Variants in SVIL observed in about 807,000 individuals in gnomAD.
The protein encoded by SVIL is archvillin.
SVIL carries 101 observed loss-of-function variants against 240.4 expected under a neutral mutation model. The ratio of observed to expected loss-of-function variants is 0.42; its 90% confidence interval spans 0.36 to 0.50. The LOEUF (loss-of-function observed/expected upper bound fraction) is 0.50. Among genes scored for constraint, SVIL ranks in the 20% least tolerant of loss-of-function variants. The pLI is 0.01. For missense variants in SVIL, 2,512 were observed against 2,818.7 expected (o/e 0.89, Z 2.46); for synonymous variants, 999 against 1,100.0 (o/e 0.91, Z 1.82).
At chr10:29,604,202 CTTTT>C (rs34705681) in intron 1 of SVIL, among the ~76,000 whole-genome samples, 5 of 134,946 alleles carry the variant, frequency 3.7e-5, no homozygotes, top group Admixed American at 7.4e-5. Flanking sequence ...TATTGTTCCT[CTTTT>C]TTTTTTTTTT....
chr10:29,647,905 C>T (rs973667668), intron 3 of SVIL, among the ~76,000 whole-genome samples: 2 of 145,266 alleles, frequency 1.4e-5, no homozygotes, highest in Non-Finnish European at 3.0e-5. Flanking sequence ...AAACCCCCTA[C>T]ATTTTTTACT....
At chr10:29,541,804 T>C (rs569737231) in intron 6 of SVIL, among the ~76,000 whole-genome samples, 1 of 152,182 alleles carries the variant, frequency 6.6e-6, no homozygotes, top group East Asian at 1.9e-4. Flanking sequence ...TTCGCGGGGC[T>C]GTGGACTCAG....
chr10:29,600,044 C>CT (rs949233767), intron 1 of SVIL, among the ~76,000 whole-genome samples: 6 of 150,694 alleles, frequency 4.0e-5, no homozygotes, highest in South Asian at 2.1e-4. Context: ...TTTTTTGATT[C>CT]TTTTTTTTTC....
chr10:29,576,347 T>C (rs1379478416), intron 1 of SVIL, among the ~76,000 whole-genome samples: 1 of 152,114 alleles, frequency 6.6e-6, no homozygotes, highest in African/African-American at 2.4e-5. Flanking sequence ...ACAAGGCTTG[T>C]GATTATTGGT....
intron 2 of SVIL, among the ~76,000 whole-genome samples, chr10:29,567,373 A>C (rs1955058448): frequency 6.6e-6 from 1 of 152,212 alleles, no homozygotes; most frequent in Non-Finnish European, 1.5e-5. Flanking sequence ...CCATTACTGA[A>C]GTTTAAATTA....
intron 2 of SVIL, among the ~76,000 whole-genome samples, chr10:29,665,662 C>T (rs1430131816): frequency 2.6e-5 from 4 of 151,788 alleles, no homozygotes; most frequent in Non-Finnish European, 5.9e-5. Context: ...GGCATGGTGG[C>T]GGACGCCTGT....
rs1952810275 is a variant in SVIL at position 29,547,616 on chromosome 10, A to T, written c.827+2981T>A. Among the ~76,000 whole-genome samples, 6 of 152,238 alleles carry T rather than the reference A, an allele frequency of 3.9e-5. No individual in the cohort carries two copies. In the South Asian group the frequency reaches 1.2e-3, roughly 32 times the overall value. On this transcript the variant is annotated intron_variant, in intron 6 of 37. Coordinates refer to ENST00000355867, the MANE Select transcript of SVIL (RefSeq NM_021738.3). ...CTAGGTCTTAAGACAAGTTATATAC[A>T]TTTTTTTAATATTAAGATTTTAACT...
At chr10:29,602,388 C>G (rs1271036598) in intron 1 of SVIL, 1 of 483,760 alleles carries the variant, frequency 2.1e-6, no homozygotes. Context: ...CTCACCCTCC[C>G]TTCTCTGCTG....
chr10:29,549,635 A>G (rs1474627175), intron 6 of SVIL, among the ~76,000 whole-genome samples: 1 of 145,708 alleles, frequency 6.9e-6, no homozygotes, highest in Non-Finnish European at 1.5e-5. Context: ...ATGTCCAACA[A>G]TGATAGACTG....
At chr10:29,625,462 TA>T (rs201839331) in intron 1 of SVIL, among the ~76,000 whole-genome samples, 3 of 150,940 alleles carry the variant, frequency 2.0e-5, no homozygotes, top group East Asian at 1.9e-4. Context: ...CATATATATA[TA>T]TTTTTTTTCC....
At chr10:29,526,305 C>CTTTTTTTTTTTTTTTTTTTT (rs36004446) in intron 13 of SVIL, among the ~76,000 whole-genome samples, 1 of 115,028 alleles carries the variant, frequency 8.7e-6, no homozygotes, top group Non-Finnish European at 1.7e-5. Flanking sequence ...TTTTCTCTTT[C>CTTTTTTTTTTTTTTTTTTTT]TTTTTTTTTT....
chr10:29,706,172 T>C (rs4747676), intron 1 of SVIL, among the ~76,000 whole-genome samples: 97,829 of 151,994 alleles, frequency 0.64, 31,628 homozygotes, highest in East Asian at 0.77. Context: ...GGGGTATATA[T>C]TCAGTAATGG....
chr10:29,475,172 T>C (rs1946057538), intron 29 of SVIL, among the ~76,000 whole-genome samples: 2 of 152,176 alleles, frequency 1.3e-5, no homozygotes, highest in Non-Finnish European at 2.9e-5. Context: ...ACTACAGGCA[T>C]GCGTCACCAT....
chr10:29,555,617 C>G (rs11007649), intron 3 of SVIL, among the ~76,000 whole-genome samples: 45,440 of 152,052 alleles, frequency 0.3, 7,087 homozygotes, highest in African/African-American at 0.38. Flanking sequence ...CAGGGTAAGG[C>G]AGAAGGTTTT....
At chr10:29,469,919 A>G (rs372201518) in intron 32 of SVIL, among the ~76,000 whole-genome samples, 1 of 152,254 alleles carries the variant, frequency 6.6e-6, no homozygotes, top group South Asian at 2.1e-4. Flanking sequence ...AAACTCCACA[A>G]ATTTGAAATG....
In SVIL at chr10:29,532,761, C is replaced by T; in HGVS notation, c.1606G>A (p.Glu536Lys). 1 of 1,614,142 alleles carries T rather than the reference C, an allele frequency of 6.2e-7. No homozygotes were observed. Residue 536 changes from glutamate to lysine, a missense_variant, in exon 8 of 38, where the codon GAA (glutamate) becomes AAA (lysine). Physicochemically the swap from Glu to Lys is moderately conservative, Grantham distance 56. Around this residue, in one of 3 missense-constraint regions of SVIL, gnomAD observed 1,443 missense variants for 1,486.6 expected, o/e 0.97. Coordinates refer to ENST00000355867, the MANE Select transcript of SVIL (RefSeq NM_021738.3). ...CGGACCTTGCGCTTTTTCGAGGCTT[C>T]CCTGTTGTGACCAGTTGGTTTGGCG... ...QDAKPTGHNR[E>K]ASKKRKVRTR... is the part of the protein sequence containing the mutation.
At chr10:29,622,033 G>C (rs1156853302) in intron 1 of SVIL, among the ~76,000 whole-genome samples, 1 of 151,558 alleles carries the variant, frequency 6.6e-6, no homozygotes, top group Admixed American at 6.6e-5. Context: ...GGCGGATCAC[G>C]AGGTCAGGAG....
At chr10:29,503,928 A>G (rs1251336918) in intron 17 of SVIL, among the ~76,000 whole-genome samples, 1 of 152,236 alleles carries the variant, frequency 6.6e-6, no homozygotes, top group East Asian at 1.9e-4. Flanking sequence ...TGGAGGACCA[A>G]CACCAGTCAA....
At position 29,532,786 on chromosome 10, in the gene SVIL, G is replaced by A. The variant is rs761155563; in HGVS notation, c.1581C>T (p.Asp527=). Reference sequence around the variant, plus strand: ...CCCTGTTGTGACCAGTTGGTTTGGCGTCTTGGGACACAGGCTCACTTTGAA... The same window carrying A: ...CCCTGTTGTGACCAGTTGGTTTGGCATCTTGGGACACAGGCTCACTTTGAA... ...LYIQSEPVSQ[D]AKPTGHNREA... is the part of the protein sequence containing the mutation. Residue 527 remains aspartate (D), a synonymous_variant, in exon 8 of 38, where the codon GAC becomes GAT. Transcript: ENST00000355867. The A allele has an allele frequency of 1.5e-5, 25 of 1,614,016 alleles. No homozygotes were observed. Among genetic ancestry groups the A allele is most frequent in the Middle Eastern group, 1.6e-4 (1 of 6,084 alleles).
Sources: gnomAD v4.1 joint callset for allele counts (sites outside exome capture counted in the v4.1 genomes callset) on GRCh38, gnomAD v4.1.1 for gene constraint, gnomAD v4.1.1 regional missense constraint, MANE v1.5 for transcripts, NCBI Gene and HGNC (gene_info 2026-07-23, HGNC 2026-07-21) for gene names.